The following IMPDH1 variants were observed in gnomAD, a reference collection of about 807,000 sequenced individuals.
IMPDH1 encodes the protein inosine-5'-monophosphate dehydrogenase 1.
In IMPDH1, 41 loss-of-function variants were observed where a neutral mutation model predicts 73.5. That is an observed-to-expected ratio of 0.56 (90% confidence interval 0.43 to 0.72). IMPDH1 has a LOEUF of 0.72. Among genes scored for constraint, IMPDH1 ranks in the 30% least tolerant of loss-of-function variants. IMPDH1 has a pLI of 0.00. For missense variants in IMPDH1, 645 were observed against 824.8 expected, an observed-to-expected ratio of 0.78 and a Z score of 2.67; for synonymous variants, 318 against 334.3, an observed-to-expected ratio of 0.95 and a Z score of 0.53.
intron 16 of IMPDH1, chr7:128,393,743 G>A (rs192263233): frequency 1.8e-5 from 4 of 222,772 alleles, no homozygotes; most frequent in East Asian, 2.2e-4. Context: ...GTATAGCTAC[G>A]GAAGGGTGGG....
In IMPDH1 at chr7:128,405,859, C is replaced by G; in HGVS notation, c.261G>C (p.Ala87=). Reference sequence around the variant, plus strand: ...CGGTGCCGCCGCTGATCAGGTAGTCCGCCATGCTGCCGCGAGACCCCGCGA... The same window carrying G: ...CGGTGCCGCCGCTGATCAGGTAGTCGGCCATGCTGCCGCGAGACCCCGCGA... ...QMDRLRRASM[A]DYLISGGTGY... The change falls in exon 4 of 17, where the codon GCG becomes GCC. Residue 87 remains alanine, a synonymous_variant. Coordinates refer to ENST00000338791, the MANE Select transcript of IMPDH1 (RefSeq NM_000883.4). 6.5e-7 allele frequency: 1 copy of G among 1,527,822 alleles called. No homozygotes were observed. Among genetic ancestry groups the G allele is most frequent in the Non-Finnish European group, 8.8e-7 (1 of 1,139,256 alleles). 94.6% of individuals were successfully genotyped at this position (1,527,822 alleles called of 1,614,324 possible).
chr7:128,393,543 C>T (rs553661926), intron 16 of IMPDH1, among the ~76,000 whole-genome samples: 12 of 152,238 alleles, frequency 7.9e-5, no homozygotes, highest in African/African-American at 2.6e-4. Context: ...TGCTGGTTTC[C>T]TCCATCATGG....
chr7:128,404,213 C>T (rs972108264), intron 4 of IMPDH1, among the ~76,000 whole-genome samples: 9 of 152,200 alleles, frequency 5.9e-5, no homozygotes, highest in African/African-American at 2.2e-4. Flanking sequence ...GGACAGTCCG[C>T]ATGCCCCGGT....
chr7:128,405,942 TGCTGACGCCGCGCCGCGGCCAC>T (rs1473380826), intron 3 of IMPDH1, 77 bp from the exon 4 acceptor site: 20 of 1,312,212 alleles, frequency 1.5e-5, no homozygotes, highest in Non-Finnish European at 2.0e-5. Flanking sequence ...CTGCTGCTAC[TGCTGACGCCGCGCCGCGGCCAC>T]GCTGCTGCCG....
intron 5 of IMPDH1, among the ~76,000 whole-genome samples, chr7:128,401,582 T>G (rs926225121): frequency 3.3e-5 from 5 of 152,118 alleles, no homozygotes; most frequent in Non-Finnish European, 5.9e-5. Flanking sequence ...GCAGCATGCA[T>G]GGCCGTGAAG....
intron 3 of IMPDH1, among the ~76,000 whole-genome samples, chr7:128,407,306 C>T (rs571013373): frequency 9.2e-5 from 14 of 152,348 alleles, no homozygotes; most frequent in African/African-American, 3.4e-4. Context: ...CTGGGATGCC[C>T]AGCCTCCCCC....
chr7:128,407,410 A>AGCACCTCT (rs1245953927), intron 3 of IMPDH1, among the ~76,000 whole-genome samples: 1 of 152,154 alleles, frequency 6.6e-6, no homozygotes, highest in Non-Finnish European at 1.5e-5. Flanking sequence ...ATGTGTGGGA[A>AGCACCTCT]GCACCTCTGA....
At chr7:128,395,706 G>A (rs939695940) in intron 12 of IMPDH1, among the ~76,000 whole-genome samples, 1 of 152,234 alleles carries the variant, frequency 6.6e-6, no homozygotes, top group African/African-American at 2.4e-5. Flanking sequence ...TTAGGTTTTA[G>A]GTGGGGACTA....
Position 128,394,708 on chromosome 7 carries a change from CCCTCA to C in IMPDH1, c.1551-114_1551-110del. The C allele has an allele frequency of 6.9e-7, 1 of 1,459,822 alleles. No homozygotes were observed. Among genetic ancestry groups the C allele is most frequent in the East Asian group, 2.3e-5 (1 of 43,384 alleles). The allele number at this position is 1,459,822 out of a possible 1,614,324, so 90.4% of individuals were successfully genotyped here. ...CGCCCAGGAAGGTCCCCCAGGCCACCCCTCACTGGGCTGAGTCAGATGGCCCAGGG... is the reference window on the plus strand; with the variant it reads ...CGCCCAGGAAGGTCCCCCAGGCCACCCTGGGCTGAGTCAGATGGCCCAGGG... On this transcript the variant is annotated intron_variant, in intron 14 of 16. Coordinates refer to ENST00000338791, the MANE Select transcript of IMPDH1 (RefSeq NM_000883.4). This position sits in a 1 kb window ranked among gnomAD's most constrained non-coding sequence, Gnocchi z 5.5.
chr7:128,409,956 T>C lies in IMPDH1; in HGVS notation c.-55A>G. ...GCCTGGAGGCTCCCGGGGCCCCGGCTGGGCAGTGAGCGCAGCCCGGTCGAG... is the reference window on the plus strand; with the variant it reads ...GCCTGGAGGCTCCCGGGGCCCCGGCCGGGCAGTGAGCGCAGCCCGGTCGAG... On this transcript the variant is annotated 5_prime_UTR_variant, in exon 1 of 17. Coordinates refer to ENST00000338791, the MANE Select transcript of IMPDH1 (RefSeq NM_000883.4). 1 of 1,311,718 alleles carries C rather than the reference T, an allele frequency of 7.6e-7. No homozygotes were observed. The highest frequency in any genetic ancestry group is 9.7e-7 in the Non-Finnish European group (1 of 1,033,628). 81.3% of individuals were successfully genotyped at this position (1,311,718 alleles called of 1,614,324 possible). A position where few individuals can be genotyped will look rare whatever the true frequency, so the allele number is the denominator to read the frequency against.
intron 5 of IMPDH1, among the ~76,000 whole-genome samples, chr7:128,402,818 T>C (rs1798434089): frequency 6.6e-6 from 1 of 152,228 alleles, no homozygotes; most frequent in African/African-American, 2.4e-5. Context: ...GTTTATCATA[T>C]GTTAATTGTT....
rs574999624 is a variant in IMPDH1 at position 128,405,280 on chromosome 7, G to A, written c.353+487C>T. Among the ~76,000 whole-genome samples, 7 of 152,314 alleles carry A rather than the reference G, an allele frequency of 4.6e-5. No homozygotes were observed. The East Asian group carries it at 5.8e-4, about 13-fold the overall frequency. Reference sequence around the variant, plus strand: ...ACCAATACCAACCTGTGGGCAGGGAGGGACACAACTGGAAAAAGCGCTGGA... The same window carrying A: ...ACCAATACCAACCTGTGGGCAGGGAAGGACACAACTGGAAAAAGCGCTGGA... On this transcript the variant is annotated intron_variant, in intron 4 of 16. Transcript: ENST00000338791.
intron 16 of IMPDH1, among the ~76,000 whole-genome samples, chr7:128,393,940 G>C (rs1056271950): frequency 6.6e-6 from 1 of 152,104 alleles, no homozygotes; most frequent in African/African-American, 2.4e-5. Flanking sequence ...CGCATCTTCT[G>C]CCTGGCTGCC....
chr7:128,394,230 G>A lies in IMPDH1; in HGVS notation c.1778+48C>T. The A allele has an allele frequency of 6.6e-7, 1 of 1,522,276 alleles. No homozygotes were observed. The highest frequency in any genetic ancestry group is 9.1e-7 in the Non-Finnish European group (1 of 1,097,608). The allele number at this position is 1,522,276 out of a possible 1,614,324, so 94.3% of individuals were successfully genotyped here. On this transcript the variant is annotated intron_variant, in intron 16 of 16. Transcript: ENST00000338791. This position sits in a 1 kb window ranked among gnomAD's most constrained non-coding sequence, Gnocchi z 5.5. ...TGACCTCAGAACCCTGGCCCCACCT[G>A]CCCAACCCACTGCCTCCAAGTGACA...
rs1293682213 is a variant in IMPDH1, at chr7:128,403,709, C to T, written c.399G>A (p.Glu133=). The part of the protein sequence containing the change: ...LPGFIDFIAD[E]VDLTSALTRK... ...TGTCAAAGGAAGAGGTACTCACCAC[C>T]TCATCAGCTATGAAGTCTATGAATC... Residue 133 remains glutamate, a synonymous_variant, in exon 5 of 17, where the codon GAG becomes GAA. Transcript: ENST00000338791. The T allele has an allele frequency of 6.2e-7, 1 of 1,613,810 alleles. No homozygotes were observed. The highest frequency in any genetic ancestry group is 8.5e-7 in the Non-Finnish European group (1 of 1,179,642).
chr7:128,398,299 G>T lies in IMPDH1; in HGVS notation c.1074+115C>A. The T allele has an allele frequency of 1.3e-6, 1 of 793,598 alleles. No individual in the cohort carries two copies. Among genetic ancestry groups the T allele is most frequent in the East Asian group, 2.6e-5 (1 of 38,274 alleles). 49.2% of individuals were successfully genotyped at this position (793,598 alleles called of 1,614,324 possible). A position where few individuals can be genotyped will look rare whatever the true frequency, so the allele number is the denominator to read the frequency against. ...CCAGGGAGCACTCAGAAAGAGAGAG[G>T]AAGAGTAGCAAGGGAGGGGCACAGG... On this transcript the variant is annotated intron_variant, in intron 10 of 16. Coordinates refer to ENST00000338791, the MANE Select transcript of IMPDH1 (RefSeq NM_000883.4). This position sits in a 1 kb window ranked among gnomAD's most constrained non-coding sequence, Gnocchi z 4.3.
In IMPDH1 at chr7:128,396,961, T is replaced by C. The variant is rs1410369320; in HGVS notation, c.1136A>G (p.Tyr379Cys). The C allele has an allele frequency of 6.2e-7, 1 of 1,613,238 alleles. No homozygotes were observed. The change falls in exon 11 of 17, where the codon TAC (tyrosine) becomes TGC (cysteine). Residue 379 changes from tyrosine (Y) to cysteine (C), a missense_variant. Physicochemically the swap from Tyr to Cys is radical, Grantham distance 194. This residue lies in a region of IMPDH1 where 459 missense variants were observed against 638.2 expected (regional missense o/e 0.72). Coordinates refer to ENST00000338791, the MANE Select transcript of IMPDH1 (RefSeq NM_000883.4). This position sits in a 1 kb window ranked among gnomAD's most constrained non-coding sequence, Gnocchi z 4.0. Reference sequence around the variant, plus strand: ...CCCCCCAATCACCTGGAGGTGGGGGTACTTCTGTTTGATGTAATGCACCAT... The same window carrying C: ...CCCCCCAATCACCTGGAGGTGGGGGCACTTCTGTTTGATGTAATGCACCAT... Reference protein sequence around the residue: ...IAMVHYIKQKYPHLQVIGGNV... With the variant: ...IAMVHYIKQKCPHLQVIGGNV...
intron 9 of IMPDH1, 30 bp downstream of exon 9, chr7:128,400,065 G>C (rs1798207318): frequency 1.3e-6 from 2 of 1,514,360 alleles, no homozygotes; most frequent in Non-Finnish European, 1.8e-6. Flanking sequence ...GTCAGGCTGG[G>C]GGTTGAGTTT....
At position 128,394,787 on chromosome 7, in the gene IMPDH1, C is replaced by G; in HGVS notation, c.1550+102G>C. On this transcript the variant is annotated intron_variant, in intron 14 of 16. Coordinates refer to ENST00000338791, the MANE Select transcript of IMPDH1 (RefSeq NM_000883.4). The surrounding 1 kb of genome is among the most constrained non-coding windows in gnomAD (Gnocchi z 5.5). ...AGCCCTGTGCCTCAGTTTCCAGAAC[C>G]ACCATATGGGGACTGGCTGCCATCT... is the stretch of plus-strand genomic sequence containing the variant. 1.3e-6 allele frequency: 2 copies of G among 1,498,396 alleles called. No homozygotes were observed. Among genetic ancestry groups the G allele is most frequent in the Non-Finnish European group, 1.8e-6 (2 of 1,085,050 alleles). The allele number at this position is 1,498,396 out of a possible 1,614,324, so 92.8% of individuals were successfully genotyped here. A position where few individuals can be genotyped will look rare whatever the true frequency, so the allele number is the denominator to read the frequency against.
Sources: gnomAD v4.1 joint callset for allele counts (sites outside exome capture counted in the v4.1 genomes callset) on GRCh38, gnomAD v4.1.1 for gene constraint, gnomAD v4.1.1 regional missense constraint, Gnocchi (gnomAD v3.1) non-coding constraint, MANE v1.5 for transcripts, NCBI Gene and HGNC (gene_info 2026-07-23, HGNC 2026-07-21) for gene names.